ADGRB1: variants seen among roughly 807,000 people sequenced by gnomAD.
ADGRB1 encodes adhesion G protein-coupled receptor B1.
Under a neutral mutation model 175.7 loss-of-function variants are expected in ADGRB1, and 36 were observed. The ratio of observed to expected loss-of-function variants is 0.20; its 90% CI spans 0.16 to 0.27. ADGRB1 has a LOEUF of 0.27. Ranked by LOEUF, ADGRB1 falls within the 10% of genes least tolerant of loss-of-function variation. The probability of loss-of-function intolerance (pLI) is 1.00; values close to 1 mark genes in which losing one functional copy is unlikely to be tolerated. For missense variants in ADGRB1, 1,731 were observed against 2,255.3 expected (o/e 0.77, Z 4.71); for synonymous variants, 1,054 against 979.4 (o/e 1.08, Z -1.42).
rs1232641579 is a variant in ADGRB1, at chr8:142,522,034, G to C, written c.3094G>C (p.Glu1032Gln). ...FLSSFCWVLT[E>Q]AWQSYMAVTG... ...GTCCTCCTTCTGCTGGGTGCTCACC[G>C]AGGCCTGGCAGTCCTACATGGCGGT... is the stretch of plus-strand genomic sequence containing the variant. Residue 1032 changes from glutamate (E) to glutamine (Q), a missense_variant, in exon 21 of 31, where the codon GAG (glutamate) becomes CAG (glutamine). Transcript: ENST00000517894. 2.5e-6 allele frequency: 4 copies of C among 1,612,764 alleles called. No individual in the cohort carries two copies. The African/African-American group carries it at 4.0e-5, about 16-fold the overall frequency.
intron 19 of ADGRB1, among the ~76,000 whole-genome samples, chr8:142,520,566 G>A (rs75107046): frequency 2.5e-4 from 27 of 108,362 alleles, no homozygotes; most frequent in African/African-American, 6.8e-4. Context: ...GATGGTGATG[G>A]TGTGGTGGTG....
In ADGRB1 at chr8:142,465,361, C is replaced by T. The variant is rs187101728; in HGVS notation, c.784+379C>T. On this transcript the variant is annotated intron_variant, in intron 2 of 30. Transcript: ENST00000517894. ...CTGGCTGGGAGAGGGCCCGCCCTTT[C>T]TCTCCGGCAGGACAACTTTAATGGG... Among the ~76,000 whole-genome samples, 6 of 152,326 alleles carry T rather than the reference C, an allele frequency of 3.9e-5. No individual in the cohort carries two copies. The East Asian group carries it at 1.2e-3, about 29-fold the overall frequency.
chr8:142,462,250 G>A (rs555088417), intron 1 of ADGRB1, among the ~76,000 whole-genome samples: 1 of 152,326 alleles, frequency 6.6e-6, no homozygotes, highest in African/African-American at 2.4e-5. Flanking sequence ...AGAGGGCCAG[G>A]TTGGGCCATG....
At chr8:142,462,115 A>G (rs2131662825) in intron 1 of ADGRB1, among the ~76,000 whole-genome samples, 1 of 152,124 alleles carries the variant, frequency 6.6e-6, no homozygotes, top group African/African-American at 2.4e-5. Flanking sequence ...GAGGCAGGGG[A>G]CATGGCAGCA....
chr8:142,517,135 G>T (rs529481366), intron 18 of ADGRB1, among the ~76,000 whole-genome samples: 1 of 152,180 alleles, frequency 6.6e-6, no homozygotes, highest in African/African-American at 2.4e-5. Flanking sequence ...AGGGGGCCTG[G>T]GGGGCTCGGG....
intron 24 of ADGRB1, among the ~76,000 whole-genome samples, chr8:142,527,499 G>C (rs1429905314): frequency 6.6e-6 from 1 of 152,076 alleles, no homozygotes; most frequent in African/African-American, 2.4e-5. Context: ...TCTGGTCCTG[G>C]TTAGGAACCA....
At chr8:142,485,840 G>A (rs1265513291) in intron 13 of ADGRB1, among the ~76,000 whole-genome samples, 1 of 152,188 alleles carries the variant, frequency 6.6e-6, no homozygotes, top group African/African-American at 2.4e-5. Context: ...CTATAAAGAT[G>A]AGAGGTTCTG....
At chr8:142,524,412 T>TGAAGGGACAG in intron 23 of ADGRB1, 108 bp downstream of exon 23, 1 of 1,248,020 alleles carries the variant, frequency 8.0e-7, no homozygotes, top group Non-Finnish European at 1.1e-6. Context: ...TGCTGTCCCT[T>TGAAGGGACAG]CAGGATGGCC....
intron 7 of ADGRB1, among the ~76,000 whole-genome samples, chr8:142,478,579 A>AGGAGAGTGGGGCATGGGGTGGCCATGG (rs941873995): frequency 1.6e-5 from 1 of 63,234 alleles, no homozygotes; most frequent in Non-Finnish European, 3.2e-5. Flanking sequence ...GGTGGCCATG[A>AGGAGAGTGGGGCATGGGGTGGCCATGG]GGAGAGTGGG....
intron 2 of ADGRB1, among the ~76,000 whole-genome samples, chr8:142,465,847 T>C (rs1840247864): frequency 6.6e-6 from 1 of 152,134 alleles, no homozygotes; most frequent in African/African-American, 2.4e-5. Flanking sequence ...TGGCGAGTCC[T>C]GGGTGGCTTT....
At position 142,455,093 on chromosome 8, in the gene ADGRB1, T is replaced by G. The variant is rs1157389841; in HGVS notation, c.-220+4989T>G. ...GACACCAGCACCCTCACTGCCCCCC[T>G]ACCATCTCACCCCACCCCATCACCC... is the stretch of plus-strand genomic sequence containing the variant. On this transcript the variant is annotated intron_variant, in intron 1 of 30. Coordinates refer to ENST00000517894, the MANE Select transcript of ADGRB1 (RefSeq NM_001702.3). The surrounding 1 kb of genome is among the most constrained non-coding windows in gnomAD (Gnocchi z 4.9). Among the ~76,000 whole-genome samples the G allele has an allele frequency of 7.0e-5, 3 of 43,006 alleles. No homozygotes were observed. The highest frequency in any genetic ancestry group is 1.4e-3 in the East Asian group (2 of 1,472). The allele number at this position is 43,006 out of a possible 152,430, so 28.2% of individuals were successfully genotyped here. A position where few individuals can be genotyped will look rare whatever the true frequency, so the allele number is the denominator to read the frequency against.
chr8:142,514,604 A>C (rs1333864629), intron 18 of ADGRB1, among the ~76,000 whole-genome samples: 1 of 152,200 alleles, frequency 6.6e-6, no homozygotes. Flanking sequence ...GGTTGTGACC[A>C]GGGTCACAGT....
intron 17 of ADGRB1, among the ~76,000 whole-genome samples, chr8:142,496,002 A>G (rs944337278): frequency 1.4e-5 from 2 of 147,988 alleles, no homozygotes; most frequent in Non-Finnish European, 3.0e-5. Context: ...TAAATGGTAG[A>G]TAGATGGATG....
chr8:142,533,159 C>A, intron 24 of ADGRB1, 136 bp from the exon 25 acceptor site: 1 of 1,027,178 alleles, frequency 9.7e-7, no homozygotes. Flanking sequence ...GGAAGGGCTG[C>A]TTGGCCCAGG....
At chr8:142,489,560 A>G (rs7825551) in intron 16 of ADGRB1, 122 bp downstream of exon 16, 839,259 of 1,039,882 alleles carry the variant, frequency 0.81, 340,481 homozygotes, top group African/African-American at 0.96. Context: ...TTCGAGAGCT[A>G]CTTTTATCCC....
At chr8:142,450,225 G>C (rs918734064) in intron 1 of ADGRB1, 121 bp downstream of exon 1, 111 of 152,190 alleles carry the variant, frequency 7.3e-4, no homozygotes, top group African/African-American at 2.6e-3. Context: ...GGGCTTCGCA[G>C]CTCCGAGGTT....
intron 24 of ADGRB1, among the ~76,000 whole-genome samples, chr8:142,530,133 G>A (rs1844535019): frequency 6.6e-6 from 1 of 152,094 alleles, no homozygotes; most frequent in African/African-American, 2.4e-5. Context: ...AAGTGTGAGT[G>A]TGTATATAAT....
chr8:142,464,841 T>G lies in ADGRB1; in HGVS notation c.643T>G (p.Cys215Gly). Residue 215 changes from cysteine (C) to glycine (G), a missense_variant, in exon 2 of 31, where the codon TGC becomes GGC. Physicochemically the swap from Cys to Gly is radical, Grantham distance 159 (BLOSUM62 -3). Transcript: ENST00000517894. ...CGGGATCATGCAGACCCCCTGCGCC[T>G]GCCTGGGCGGCGAGGCGGGCGGCCC... ...PCGIMQTPCA[C>G]LGGEAGGPAA... 6.6e-7 allele frequency: 1 copy of G among 1,526,204 alleles called. No homozygotes were observed. The highest frequency in any genetic ancestry group is 8.8e-7 in the Non-Finnish European group (1 of 1,142,078). The allele number at this position is 1,526,204 out of a possible 1,614,324, so 94.5% of individuals were successfully genotyped here.
At chr8:142,522,247 C>A in intron 21 of ADGRB1, 132 bp downstream of exon 21, 1 of 1,291,936 alleles carries the variant, frequency 7.7e-7, no homozygotes, top group Non-Finnish European at 1.0e-6. Flanking sequence ...GGGTGGGCTT[C>A]CCCCTCTGGG....
Sources: gnomAD v4.1 joint callset for allele counts (sites outside exome capture counted in the v4.1 genomes callset) on GRCh38, gnomAD v4.1.1 for gene constraint, Gnocchi (gnomAD v3.1) non-coding constraint, MANE v1.5 for transcripts, NCBI Gene and HGNC (gene_info 2026-07-23, HGNC 2026-07-21) for gene names.